IDUA: variants seen among roughly 807,000 people sequenced by gnomAD.
IDUA encodes alpha-L-iduronidase, also known as iduronidase alpha-L-.
A neutral mutation model predicts 68.9 loss-of-function variants in IDUA; 65 were observed. The ratio of observed to expected loss-of-function variants is 0.94; its 90% CI spans 0.77 to 1.16. IDUA has a LOEUF of 1.16. Ranked by LOEUF, IDUA falls within the 50% of genes most tolerant of loss-of-function variation. IDUA has a pLI of 0.00. For missense variants in IDUA, 1,046 were observed against 938.0 expected (o/e 1.12, Z -1.50); for synonymous variants, 529 against 433.6 (o/e 1.22, Z -2.73).
intron 4 of IDUA, 123 bp downstream of exon 4, chr4:1,001,112 T>C: frequency 1.4e-6 from 1 of 707,004 alleles, no homozygotes; most frequent in Non-Finnish European, 2.4e-6. Flanking sequence ...CAGGCCCTTG[T>C]GGGGGGATGG....
chr4:988,621 C>T, intron 2 of IDUA: 3 of 1,379,842 alleles, frequency 2.2e-6, no homozygotes, highest in East Asian at 5.5e-5. Context: ...GTCTCGGAGG[C>T]AGAGGTTCTT....
At chr4:1,001,035 C>T (rs781635032) in intron 4 of IDUA, 46 bp downstream of exon 4, 2 of 1,384,580 alleles carry the variant, frequency 1.4e-6, no homozygotes, top group Non-Finnish European at 2.1e-6. Flanking sequence ...CGGGGGTACT[C>T]CTGGGCAGGT....
chr4:997,577 G>A (rs1180029407), intron 2 of IDUA, among the ~76,000 whole-genome samples: 3 of 151,260 alleles, frequency 2.0e-5, no homozygotes, highest in Non-Finnish European at 4.4e-5. Flanking sequence ...CGGCCCCAGC[G>A]ACACCCCGCG....
At chr4:990,539 G>A (rs980769860) in intron 2 of IDUA, 23 of 635,256 alleles carry the variant, frequency 3.6e-5, no homozygotes, top group South Asian at 2.2e-4. Flanking sequence ...GGTTCCACGC[G>A]TGCTCATGCC....
At position 1,002,953 on chromosome 4, in the gene IDUA, G is replaced by T. The variant is rs748677471; in HGVS notation, c.1402+9G>T. On this transcript the variant is annotated intron_variant, in intron 9 of 13. Transcript: ENST00000514224. ...GGTGCCCCCCGGCCCGGGTAAGCCG[G>T]GGTTCCAGGGAGGTCTCTGGCCCCG... The T allele has an allele frequency of 1.4e-5, 19 of 1,362,462 alleles. No homozygotes were observed. The highest frequency in any genetic ancestry group is 1.6e-5 in the Non-Finnish European group (17 of 1,064,666). The allele number at this position is 1,362,462 out of a possible 1,614,324, so 84.4% of individuals were successfully genotyped here.
At chr4:999,953 GC>G (rs1714974154) in intron 2 of IDUA, 1 of 143,496 alleles carries the variant, frequency 7.0e-6, no homozygotes, top group East Asian at 2.1e-4. Context: ...CGGAATGCAG[GC>G]CTCGTGGGAA....
At position 1,002,767 on chromosome 4, in the gene IDUA, G is replaced by C. The variant is rs11934801; in HGVS notation, c.1225G>C (p.Gly409Arg). ...GCTCTGGGCCGAAGTGTCGCAGGCC[G>C]GGACCGTCCTGGACAGCAACCACAC... is the stretch of plus-strand genomic sequence containing the variant. ...EQLWAEVSQAGTVLDSNHTVG... is the reference protein window; with the variant it reads ...EQLWAEVSQARTVLDSNHTVG... The change falls in exon 9 of 14, where the codon GGG becomes CGG. Residue 409 changes from glycine to arginine, a missense_variant. Transcript: ENST00000514224. 3.7e-3 allele frequency: 5,495 copies of C among 1,481,578 alleles called. 125 individuals carry two copies. In the African/African-American group the frequency reaches 0.058, roughly 16 times the overall value. The allele number at this position is 1,481,578 out of a possible 1,614,324, so 91.8% of individuals were successfully genotyped here.
At chr4:993,916 A>C (rs3806760) in intron 2 of IDUA, among the ~76,000 whole-genome samples, 2 of 152,066 alleles carry the variant, frequency 1.3e-5, no homozygotes, top group African/African-American at 4.8e-5. Flanking sequence ...CTCACCGCCC[A>C]GGGCGAGGAC....
Position 1,004,520 on chromosome 4 carries a change from T to C in IDUA, c.*127T>C. ...TTTTATATTTTATTATTTTCTTTTA[T>C]ATCTTGGTACCAACGCCCCCTTTAA... On this transcript the variant is annotated 3_prime_UTR_variant, in exon 14 of 14. Coordinates refer to ENST00000514224, the MANE Select transcript of IDUA (RefSeq NM_000203.5). The surrounding 1 kb of genome is among the most constrained non-coding windows in gnomAD (Gnocchi z 5.0). The C allele has an allele frequency of 9.9e-7, 1 of 1,005,592 alleles. No individual in the cohort carries two copies. The highest frequency in any genetic ancestry group is 1.4e-6 in the Non-Finnish European group (1 of 699,924). 62.3% of individuals were successfully genotyped at this position (1,005,592 alleles called of 1,614,324 possible).
chr4:992,334 T>A (rs1050052117), intron 2 of IDUA: 1 of 399,032 alleles, frequency 2.5e-6, no homozygotes, highest in Non-Finnish European at 5.2e-6. Flanking sequence ...CCCACCCCTC[T>A]GTCACCTGCC....
chr4:987,145 C>A lies in IDUA; in HGVS notation c.61C>A (p.Pro21Thr), dbSNP rs778952883. ...LALLASLLAA[P>T]PVAPAEAPHL... ...GCTCCTGGCCTCGCTCCTGGCCGCG[C>A]CCCCGGTGGCCCCGGCCGAGGCCCC... Residue 21 changes from proline (P) to threonine (T), a missense_variant, in exon 1 of 14, where the codon CCC becomes ACC. Pro to Thr is a conservative substitution (Grantham distance 38). Transcript: ENST00000514224. The A allele has an allele frequency of 2.6e-5, 36 of 1,411,036 alleles. No individual in the cohort carries two copies. The highest frequency in any genetic ancestry group is 1.1e-4 in the African/African-American group (7 of 66,272). The allele number at this position is 1,411,036 out of a possible 1,614,324, so 87.4% of individuals were successfully genotyped here.
At chr4:995,843 G>A (rs1270663843) in intron 2 of IDUA, among the ~76,000 whole-genome samples, 1 of 152,250 alleles carries the variant, frequency 6.6e-6, no homozygotes, top group Non-Finnish European at 1.5e-5. Flanking sequence ...GCCCCCATTT[G>A]GAGGTGAAAT....
chr4:1,000,502 C>T, intron 2 of IDUA, 110 bp from the exon 3 acceptor site: 1 of 863,640 alleles, frequency 1.2e-6, no homozygotes, highest in Non-Finnish European at 2.0e-6. Flanking sequence ...GATCGGAGTC[C>T]TGTGTGGCAC....
At chr4:994,917 G>A (rs1714650127) in intron 2 of IDUA, among the ~76,000 whole-genome samples, 3 of 152,118 alleles carry the variant, frequency 2.0e-5, no homozygotes, top group Admixed American at 2.0e-4. Flanking sequence ...CAGAGCAAGA[G>A]CCCGTCTCAA....
At chr4:993,920 C>T (rs1214713420) in intron 2 of IDUA, among the ~76,000 whole-genome samples, 1 of 152,178 alleles carries the variant, frequency 6.6e-6, no homozygotes, top group Non-Finnish European at 1.5e-5. Flanking sequence ...CCGCCCAGGG[C>T]GAGGACTGCC....
chr4:1,001,393 C>T (rs1034782732), intron 4 of IDUA, 75 bp from the exon 5 acceptor site: 49 of 1,266,944 alleles, frequency 3.9e-5, no homozygotes, highest in Non-Finnish European at 5.0e-5. Context: ...CCTTCATCAC[C>T]TTGCACCCTC....
At chr4:990,413 C>A in intron 2 of IDUA, 1 of 1,502,892 alleles carries the variant, frequency 6.7e-7, no homozygotes, top group African/African-American at 1.4e-5. Flanking sequence ...GAGCCACCTG[C>A]CCCTCACCAG....
In IDUA at chr4:1,003,455, G is replaced by A; in HGVS notation, c.1635G>A (p.Glu545=). The change falls in exon 11 of 14, where the codon GAG becomes GAA. Residue 545 remains glutamate (E), a synonymous_variant. Coordinates refer to ENST00000514224, the MANE Select transcript of IDUA (RefSeq NM_000203.5). ...LLLVHVCARP[E]KPPGQVTRLR... Reference sequence around the variant, plus strand: ...TGGTGCACGTGTGTGCGCGCCCCGAGAAGCCGCCCGGGCAGGCAAGTGGCA... The same window carrying A: ...TGGTGCACGTGTGTGCGCGCCCCGAAAAGCCGCCCGGGCAGGCAAGTGGCA... 1.3e-6 allele frequency: 2 copies of A among 1,555,730 alleles called. No homozygotes were observed. Among genetic ancestry groups the A allele is most frequent in the Non-Finnish European group, 1.7e-6 (2 of 1,157,408 alleles).
intron 1 of IDUA, 51 bp downstream of exon 1, chr4:987,293 G>A (rs2153015306): frequency 1.4e-6 from 2 of 1,480,906 alleles, no homozygotes; most frequent in Non-Finnish European, 1.8e-6. Flanking sequence ...GGAGAGCTCG[G>A]GCGCCCCCTG....
Sources: allele counts gnomAD v4.1 joint callset (sites outside exome capture counted in the v4.1 genomes callset), GRCh38; gene constraint gnomAD v4.1.1; non-coding constraint Gnocchi (gnomAD v3.1); transcripts MANE v1.5; gene names NCBI Gene and HGNC (gene_info 2026-07-23, HGNC 2026-07-21).